EPHB2: variants seen among roughly 807,000 people sequenced by gnomAD.
EPHB2 encodes the protein EPH receptor B2, also known as ephrin type-B receptor 2.
A neutral mutation model predicts 96.4 loss-of-function variants in EPHB2; 18 were observed. The observed-to-expected ratio is 0.19, with a 90% CI of 0.13 to 0.28. EPHB2 has a LOEUF of 0.28. Ranked by LOEUF, EPHB2 falls within the 10% of genes least tolerant of loss-of-function variation. EPHB2 has a pLI of 1.00. For missense variants in EPHB2, 989 were observed against 1,355.4 expected (o/e 0.73, Z 4.25); for synonymous variants, 506 against 534.1 (o/e 0.95, Z 0.72).
At chr1:22,832,670 C>T (rs1256375777) in intron 3 of EPHB2, among the ~76,000 whole-genome samples, 1 of 152,196 alleles carries the variant, frequency 6.6e-6, no homozygotes. Context: ...CCTGACCACA[C>T]AAGAGCCTGG....
intron 1 of EPHB2, among the ~76,000 whole-genome samples, chr1:22,731,656 C>G (rs1643715927): frequency 1.3e-5 from 2 of 152,100 alleles, no homozygotes; most frequent in African/African-American, 4.8e-5. Context: ...TGGCCAACAG[C>G]CTGTCAAACC....
chr1:22,834,563 A>C (rs1645352200), intron 3 of EPHB2, among the ~76,000 whole-genome samples: 1 of 152,212 alleles, frequency 6.6e-6, no homozygotes, highest in Admixed American at 6.5e-5. Flanking sequence ...TGTGACATAA[A>C]ATCAGCCATA....
chr1:22,758,787 C>T (rs959993408), intron 1 of EPHB2, among the ~76,000 whole-genome samples: 7 of 152,074 alleles, frequency 4.6e-5, no homozygotes, highest in Non-Finnish European at 2.9e-5. Context: ...TTGGAGCTAG[C>T]TGTCAGAACC....
Position 22,722,003 on chromosome 1 carries a change from G to A in EPHB2, c.61+10960G>A, listed in dbSNP as rs552847440. Among the ~76,000 whole-genome samples the A allele has an allele frequency of 1.4e-4, 21 of 152,114 alleles. No homozygotes were observed. The South Asian group carries it at 1.7e-3, about 12-fold the overall frequency. ...CGCTCTGTTGCCTAAGCTGGAGTGCGGTGACACTATCTTGGCTCACTGCAA... is the reference window on the plus strand; with the variant it reads ...CGCTCTGTTGCCTAAGCTGGAGTGCAGTGACACTATCTTGGCTCACTGCAA... On this transcript the variant is annotated intron_variant, in intron 1 of 15. Transcript: ENST00000374630.
rs768419290 is a variant in EPHB2 at position 22,895,524 on chromosome 1, G to A, written c.1644G>A (p.Ser548=). ...QEKLPLIIGS[S]AAGLVFLIAV... The stretch of plus-strand genomic sequence containing the variant: ...AGTTGCCACTCATCATCGGCTCCTC[G>A]GCCGCTGGCCTGGTCTTCCTCATTG... Residue 548 remains serine, a synonymous_variant, in exon 8 of 16, where the codon TCG becomes TCA. Coordinates refer to ENST00000374630, the MANE Select transcript of EPHB2 (RefSeq NM_017449.5). 1.4e-5 allele frequency: 22 copies of A among 1,614,128 alleles called. No homozygotes were observed. Among genetic ancestry groups the A allele is most frequent in the African/African-American group, 2.7e-5 (2 of 74,940 alleles).
At chr1:22,714,964 G>A (rs1393354382) in intron 1 of EPHB2, among the ~76,000 whole-genome samples, 1 of 152,182 alleles carries the variant, frequency 6.6e-6, no homozygotes, top group Non-Finnish European at 1.5e-5. Context: ...ACCTGAAGAA[G>A]CATCAAAGAC....
At chr1:22,896,643 T>C (rs1639573978) in intron 9 of EPHB2, among the ~76,000 whole-genome samples, 165 bp downstream of exon 9, 4 of 152,198 alleles carry the variant, frequency 2.6e-5, no homozygotes, top group Admixed American at 2.0e-4. Context: ...CCTTTGCAAG[T>C]GCGGTTCCCT....
At chr1:22,760,498 C>T (rs907204691) in intron 1 of EPHB2, among the ~76,000 whole-genome samples, 2 of 152,182 alleles carry the variant, frequency 1.3e-5, no homozygotes, top group Admixed American at 1.3e-4. Flanking sequence ...GCCCTCTTCC[C>T]CAGCTTCAGG....
intron 3 of EPHB2, among the ~76,000 whole-genome samples, chr1:22,819,743 G>A (rs1645126327): frequency 6.6e-6 from 1 of 152,070 alleles, no homozygotes; most frequent in Non-Finnish European, 1.5e-5. Context: ...GCCTGGTGAG[G>A]AAGAGGCCCC....
rs1369130825 is a variant in EPHB2 at position 22,784,518 on chromosome 1, C to A, written c.253C>A (p.Arg85Ser). The A allele has an allele frequency of 6.2e-7, 1 of 1,613,748 alleles. No individual in the cohort carries two copies. The change falls in exon 3 of 16, where the codon CGC (arginine) becomes AGC (serine). Residue 85 changes from arginine to serine, a missense_variant. Arg to Ser is a moderately radical substitution (Grantham distance 110). Coordinates refer to ENST00000374630, the MANE Select transcript of EPHB2 (RefSeq NM_017449.5). The surrounding 1 kb of genome is among the most constrained non-coding windows in gnomAD (Gnocchi z 5.1). ...TKFIRRRGAH[R>S]IHVEMKFSVR... ...GTTTATCCGGCGCCGTGGCGCCCAC[C>A]GCATCCACGTGGAGATGAAGTTTTC...
Position 22,790,898 on chromosome 1 carries a change from C to T in EPHB2, c.811+5822C>T. On this transcript the variant is annotated intron_variant, in intron 3 of 15. Transcript: ENST00000374630. The surrounding 1 kb of genome is among the most constrained non-coding windows in gnomAD (Gnocchi z 4.0). ...GCTGCTGGGTTTCTCCTCCCAGCCT[C>T]TCCCTCTTGTCTGCCCTGCCCTGCT... 6.6e-6 allele frequency among the ~76,000 whole-genome samples: 1 copy of T among 152,228 alleles called. No individual in the cohort carries two copies. Among genetic ancestry groups the T allele is most frequent in the Non-Finnish European group, 1.5e-5 (1 of 68,038 alleles).
At position 22,914,607 on chromosome 1, in the gene EPHB2, A is replaced by T. The variant is rs1185074864; in HGVS notation, c.*1037A>T. The T allele has an allele frequency of 6.6e-6, 1 of 152,362 alleles. No homozygotes were observed. Among genetic ancestry groups the T allele is most frequent in the African/African-American group, 2.4e-5 (1 of 41,332 alleles). The allele number at this position is 152,362 out of a possible 1,614,324, so 9.4% of individuals were successfully genotyped here. A position where few individuals can be genotyped will look rare whatever the true frequency, so the allele number is the denominator to read the frequency against. On this transcript the variant is annotated 3_prime_UTR_variant, in exon 16 of 16. Transcript: ENST00000374630. ...ACATTTCCTACCTTTTGAGGACTTG[A>T]TCCTTCTCCAGGAAGAAGGTGCTTT... is the stretch of plus-strand genomic sequence containing the variant.
chr1:22,717,923 A>C (rs983293461), intron 1 of EPHB2, among the ~76,000 whole-genome samples: 1 of 152,100 alleles, frequency 6.6e-6, no homozygotes, highest in Admixed American at 6.5e-5. Context: ...CATCTTTCAA[A>C]TGGGGGTAAT....
At chr1:22,736,415 G>A (rs10917284) in intron 1 of EPHB2, among the ~76,000 whole-genome samples, 50,936 of 152,060 alleles carry the variant, frequency 0.33, 9,908 homozygotes, top group South Asian at 0.61. Flanking sequence ...CTGGAGGCTG[G>A]ACAAAGAGTT....
chr1:22,862,934 C>G (rs1638317454), intron 3 of EPHB2, 103 bp from the exon 4 acceptor site: 2 of 1,447,584 alleles, frequency 1.4e-6, no homozygotes, highest in African/African-American at 2.8e-5. Context: ...TGCTGCATGG[C>G]CCCTCCGCGA....
In EPHB2 at chr1:22,913,485, C is replaced by T. The variant is rs745586774; in HGVS notation, c.2876C>T (p.Thr959Ile). The T allele has an allele frequency of 6.2e-7, 1 of 1,614,176 alleles. No individual in the cohort carries two copies. Among genetic ancestry groups the T allele is most frequent in the African/African-American group, 1.3e-5 (1 of 75,042 alleles). Reference sequence around the variant, plus strand: ...AGGGACATTCTCCGGGTTGGGGTCACTTTGGCTGGCCACCAGAAAAAAATC... The same window carrying T: ...AGGGACATTCTCCGGGTTGGGGTCATTTTGGCTGGCCACCAGAAAAAAATC... ...MMEDILRVGV[T>I]LAGHQKKILN... is the part of the protein sequence containing the mutation. The change falls in exon 16 of 16, where the codon ACT (threonine) becomes ATT (isoleucine). Residue 959 changes from threonine to isoleucine, a missense_variant. Thr to Ile is a moderately conservative substitution (Grantham distance 89). Coordinates refer to ENST00000374630, the MANE Select transcript of EPHB2 (RefSeq NM_017449.5). The surrounding 1 kb of genome is among the most constrained non-coding windows in gnomAD (Gnocchi z 4.1).
chr1:22,745,319 C>T (rs1389433957), intron 1 of EPHB2, among the ~76,000 whole-genome samples: 1 of 152,208 alleles, frequency 6.6e-6, no homozygotes, highest in Non-Finnish European at 1.5e-5. Flanking sequence ...AAGATCATTA[C>T]ACTTTGCAAA....
At chr1:22,807,559 C>T (rs976854451) in intron 3 of EPHB2, among the ~76,000 whole-genome samples, 2 of 152,186 alleles carry the variant, frequency 1.3e-5, no homozygotes, top group African/African-American at 4.8e-5. Context: ...CCAGCCTCTA[C>T]CCCCATGGTC....
chr1:22,896,280 A>G, intron 8 of EPHB2, 134 bp from the exon 9 acceptor site: 1 of 1,093,614 alleles, frequency 9.1e-7, no homozygotes, highest in Non-Finnish European at 1.3e-6. Context: ...GTGGGGCCAA[A>G]AGGGGCAGGC....
Sources: allele counts gnomAD v4.1 joint callset (sites outside exome capture counted in the v4.1 genomes callset), GRCh38; gene constraint gnomAD v4.1.1; non-coding constraint Gnocchi (gnomAD v3.1); transcripts MANE v1.5; gene names NCBI Gene and HGNC (gene_info 2026-07-23, HGNC 2026-07-21).